Variants in IL16 observed in about 807,000 individuals in gnomAD.
The protein encoded by IL16 is pro-interleukin-16.
A neutral mutation model predicts 110.1 loss-of-function variants in IL16; 67 were observed. That is an observed-to-expected ratio of 0.61 (90% CI 0.50 to 0.75). The LOEUF (loss-of-function observed/expected upper bound fraction) is 0.75, where lower values mean the gene tolerates loss of function less well. Among genes scored for constraint, IL16 ranks in the 30% least tolerant of loss-of-function variants. The pLI, the probability that IL16 is intolerant of heterozygous loss-of-function variation, is 0.00. For missense variants in IL16, 1,545 were observed against 1,655.0 expected (o/e 0.93, Z 1.15); for synonymous variants, 689 against 662.9 (o/e 1.04, Z -0.61).
chr15:81,208,940 T>C (rs1896134007), intron 1 of IL16, among the ~76,000 whole-genome samples: 1 of 152,198 alleles, frequency 6.6e-6, no homozygotes, highest in African/African-American at 2.4e-5. Flanking sequence ...ATATCTCATA[T>C]GGATATTATA....
chr15:81,269,522 T>C lies in IL16; in HGVS notation c.565-16T>C. The C allele has an allele frequency of 6.3e-7, 1 of 1,587,984 alleles. No homozygotes were observed. Among genetic ancestry groups the C allele is most frequent in the Non-Finnish European group, 8.6e-7 (1 of 1,156,236 alleles). On this transcript the variant is annotated splice_polypyrimidine_tract_variant and intron_variant, in intron 4 of 18. Coordinates refer to ENST00000683961, the MANE Select transcript of IL16 (RefSeq NM_172217.5). ...TATGTGGCTAATCTTCTGCCTACTC[T>C]GGTTCCTTGTTGCAGGGAACTTCGA...
rs6495557 is a variant in IL16 at position 81,259,652 on chromosome 15, A to G, written c.313-120A>G. 0.018 allele frequency: 11,503 copies of G among 642,136 alleles called. 1,040 individuals carry two copies. In the African/African-American group the frequency reaches 0.19, roughly 10 times the overall value. The allele number at this position is 642,136 out of a possible 1,614,324, so 39.8% of individuals were successfully genotyped here. On this transcript the variant is annotated intron_variant, in intron 2 of 18. Coordinates refer to ENST00000683961, the MANE Select transcript of IL16 (RefSeq NM_172217.5). The stretch of plus-strand genomic sequence containing the variant: ...AATCCCTGCTCTTATAGTACTTATC[A>G]TTTCAGTAGGGGAGACAGATAATCT...
At position 81,278,927 on chromosome 15, in the gene IL16, G is replaced by T. The variant is rs544776666; in HGVS notation, c.864+37G>T. On this transcript the variant is annotated intron_variant, in intron 7 of 18. Transcript: ENST00000683961. ...TTATCAACACGTGACCAAACTCTGG[G>T]GCCTTCAGGCAAAGAAACCAAGCTC... The T allele has an allele frequency of 2.3e-5, 32 of 1,411,356 alleles. No individual in the cohort carries two copies. In the South Asian group the frequency reaches 3.4e-4, roughly 15 times the overall value. 87.4% of individuals were successfully genotyped at this position (1,411,356 alleles called of 1,614,324 possible).
chr15:81,245,138 A>T (rs1275889821), intron 2 of IL16, among the ~76,000 whole-genome samples: 1 of 152,116 alleles, frequency 6.6e-6, no homozygotes, highest in African/African-American at 2.4e-5. Flanking sequence ...ATTTTCTATC[A>T]TCTCAGTGTT....
chr15:81,301,311 G>C, intron 14 of IL16, 33 bp from the exon 15 acceptor site: 1 of 1,568,306 alleles, frequency 6.4e-7, no homozygotes, highest in Non-Finnish European at 8.6e-7. Flanking sequence ...TAATATTGTT[G>C]TTCATACTGT....
intron 18 of IL16, among the ~76,000 whole-genome samples, chr15:81,308,110 T>C (rs4778639): frequency 2.0e-5 from 3 of 152,192 alleles, no homozygotes; most frequent in African/African-American, 7.2e-5. Flanking sequence ...TCCTTTTTTA[T>C]GTGGACACAG....
In IL16 at chr15:81,225,306, T is replaced by C; in HGVS notation, c.-94T>C. 1 of 1,539,756 alleles carries C rather than the reference T, an allele frequency of 6.5e-7. No individual in the cohort carries two copies. The highest frequency in any genetic ancestry group is 1.4e-5 in the African/African-American group (1 of 73,314). On this transcript the variant is annotated 5_prime_UTR_variant, in exon 2 of 19. The change abolishes an upstream ATG in the 5' untranslated region. Transcript: ENST00000683961. ...ATTTCCTCTTTCCTCTAGGGACTCA[T>C]GAAGTGGCAGCTAAGCCCTGTCCAG...
intron 2 of IL16, among the ~76,000 whole-genome samples, chr15:81,249,920 C>G (rs1240757690): frequency 6.6e-6 from 1 of 150,744 alleles, no homozygotes; most frequent in African/African-American, 2.4e-5. Flanking sequence ...TTCATCCTCT[C>G]TTTAACACTG....
chr15:81,299,804 A>C lies in IL16; in HGVS notation c.2478A>C (p.Leu826=). 6.2e-7 allele frequency: 1 copy of C among 1,614,014 alleles called. No homozygotes were observed. The highest frequency in any genetic ancestry group is 8.5e-7 in the Non-Finnish European group (1 of 1,179,968). Residue 826 remains leucine (L), a synonymous_variant, in exon 14 of 19, where the codon CTA becomes CTC. Transcript: ENST00000683961. The part of the protein sequence containing the change: ...TQPAPASREH[L]GSHIRASSSS... ...CAGCACCTGCTTCCAGGGAGCACCT[A>C]GGATCACACATCCGGGCCTCCTCCT...
At chr15:81,236,187 G>C (rs752503466) in intron 2 of IL16, among the ~76,000 whole-genome samples, 46 of 152,240 alleles carry the variant, frequency 3.0e-4, no homozygotes, top group Admixed American at 5.9e-4. Context: ...TGGAGAAAAG[G>C]TGGTCAAGGC....
intron 2 of IL16, among the ~76,000 whole-genome samples, chr15:81,238,250 A>G (rs776905610): frequency 2.0e-5 from 3 of 152,210 alleles, no homozygotes; most frequent in Non-Finnish European, 4.4e-5. Flanking sequence ...TATTTAAAGT[A>G]ATAACTTGTA....
chr15:81,202,343 G>A (rs1595941363), intron 1 of IL16, among the ~76,000 whole-genome samples: 1 of 152,292 alleles, frequency 6.6e-6, no homozygotes, highest in East Asian at 1.9e-4. Flanking sequence ...AGCTTTGGGG[G>A]TCTGTATTGG....
intron 1 of IL16, among the ~76,000 whole-genome samples, chr15:81,219,496 C>T (rs1896544372): frequency 1.3e-5 from 2 of 152,048 alleles, no homozygotes; most frequent in Non-Finnish European, 2.9e-5. Context: ...CCTTTCCTGA[C>T]TTATCCTGTG....
At chr15:81,256,504 T>G (rs1897952927) in intron 2 of IL16, among the ~76,000 whole-genome samples, 1 of 152,034 alleles carries the variant, frequency 6.6e-6, no homozygotes, top group Non-Finnish European at 1.5e-5. Context: ...GGCTAGTTTT[T>G]TTGTATTTTT....
At chr15:81,272,277 G>C (rs748744179) in intron 5 of IL16, among the ~76,000 whole-genome samples, 14 of 152,236 alleles carry the variant, frequency 9.2e-5, no homozygotes, top group Non-Finnish European at 1.6e-4. Flanking sequence ...CTGCTTTTCA[G>C]GTCTGCCAGG....
Position 81,279,609 on chromosome 15 carries a change from C to A in IL16, c.916C>A (p.Pro306Thr). The change falls in exon 8 of 19, where the codon CCT becomes ACT. Residue 306 changes from proline (P) to threonine (T), a missense_variant. Pro to Thr is a conservative substitution (Grantham distance 38, BLOSUM62 -1). Around this residue, in one of 3 missense-constraint regions of IL16, gnomAD observed 1,185 missense variants for 1,238.8 expected, o/e 0.96. Coordinates refer to ENST00000683961, the MANE Select transcript of IL16 (RefSeq NM_172217.5). Reference protein sequence around the residue: ...TLTVRTRLTAPPSLCSHLSPP... With the variant: ...TLTVRTRLTATPSLCSHLSPP... ...CACCGTGAGAACCCGCCTGACGGCG[C>A]CTCCTTCCCTGTGCAGCCACCTGTC... is the stretch of plus-strand genomic sequence containing the variant. 6.2e-7 allele frequency: 1 copy of A among 1,614,098 alleles called. No homozygotes were observed. Among genetic ancestry groups the A allele is most frequent in the Non-Finnish European group, 8.5e-7 (1 of 1,180,008 alleles).
intron 1 of IL16, among the ~76,000 whole-genome samples, chr15:81,224,745 C>T (rs1896731356): frequency 6.6e-6 from 1 of 152,190 alleles, no homozygotes; most frequent in Admixed American, 6.5e-5. Flanking sequence ...GGACATAAGA[C>T]ATCAGTGGTC....
Position 81,267,892 on chromosome 15 carries a change from T to C in IL16, c.565-1646T>C, listed in dbSNP as rs532217571. On this transcript the variant is annotated intron_variant, in intron 4 of 18. Coordinates refer to ENST00000683961, the MANE Select transcript of IL16 (RefSeq NM_172217.5). ...GCAGGTGATGTGCTTTGGCTACAGATTTCAATGCTCATCTCATTCCAAAGC... is the reference window on the plus strand; with the variant it reads ...GCAGGTGATGTGCTTTGGCTACAGACTTCAATGCTCATCTCATTCCAAAGC... Among the ~76,000 whole-genome samples, 4 of 152,294 alleles carry C rather than the reference T, an allele frequency of 2.6e-5. No individual in the cohort carries two copies. In the East Asian group the frequency reaches 5.8e-4, roughly 22 times the overall value.
rs1208589323 is a variant in IL16 at position 81,201,755 on chromosome 15, C to T, written c.-102+4603C>T. Among the ~76,000 whole-genome samples, 3 of 152,118 alleles carry T rather than the reference C, an allele frequency of 2.0e-5. No individual in the cohort carries two copies. In the East Asian group the frequency reaches 5.8e-4, roughly 29 times the overall value. On this transcript the variant is annotated intron_variant, in intron 1 of 18. Coordinates refer to ENST00000683961, the MANE Select transcript of IL16 (RefSeq NM_172217.5). ...AAATGTAGAGTAATCAGTTTTTACC[C>T]ATTCTCTGCTCTTCAATAACAGCTT... is the stretch of plus-strand genomic sequence containing the variant.
Sources: gnomAD v4.1 joint callset for allele counts (sites outside exome capture counted in the v4.1 genomes callset) on GRCh38, gnomAD v4.1.1 for gene constraint, gnomAD v4.1.1 regional missense constraint, MANE v1.5 for transcripts, NCBI Gene and HGNC (gene_info 2026-07-23, HGNC 2026-07-21) for gene names.